Variants in TASP1 observed in about 807,000 individuals in gnomAD.
TASP1 encodes the protein threonine aspartase 1.
A neutral mutation model predicts 56.6 loss-of-function variants in TASP1; 16 were observed. The observed-to-expected ratio is 0.28, with a 90% CI of 0.19 to 0.43. TASP1 has a LOEUF of 0.43. Among genes scored for constraint, TASP1 ranks in the 20% least tolerant of loss-of-function variants. The pLI is 1.00. For synonymous variants in TASP1, 179 were observed against 184.2 expected (o/e 0.97, Z 0.23); for missense variants, 393 against 511.6 (o/e 0.77, Z 2.24).
chr20:13,596,201 C>A (rs1213541794), intron 4 of TASP1, among the ~76,000 whole-genome samples: 2 of 151,910 alleles, frequency 1.3e-5, no homozygotes, highest in Non-Finnish European at 2.9e-5. Flanking sequence ...GGAGAAACCC[C>A]ATCTCTACTA....
At chr20:13,107,418 T>C in the TASP1 span, among the ~76,000 whole-genome samples, 1 of 152,190 alleles carries the variant, frequency 6.6e-6, no homozygotes, top group South Asian at 2.1e-4. Context: ...GGTGTCCAGA[T>C]GGCAGAGGGA....
chr20:13,576,280 AAGAGAAAGGAAGGGAAG>A, intron 6 of TASP1, among the ~76,000 whole-genome samples: 1 of 149,334 alleles, frequency 6.7e-6, no homozygotes, highest in Middle Eastern at 3.4e-3. Flanking sequence ...AAGGGAAGAG[AAGAGAAAGGAAGGGAAG>A]GAGAGAGAGA....
the TASP1 span, among the ~76,000 whole-genome samples, chr20:13,206,561 T>C: frequency 1.3e-5 from 2 of 152,046 alleles, no homozygotes; most frequent in African/African-American, 4.8e-5. Context: ...CCAGTGCAGG[T>C]TGGTGAGACA....
chr20:13,221,243 CCTCCTCCTCCTCCTCCTCCTTCTCCTT>C, the TASP1 span, among the ~76,000 whole-genome samples: 1 of 144,220 alleles, frequency 6.9e-6, no homozygotes, highest in Admixed American at 6.8e-5. Context: ...TCCTCCTCCT[CCTCCTCCTCCTCCTCCTCCTTCTCCTT>C]CTCCTCCTCC....
the TASP1 span, among the ~76,000 whole-genome samples, chr20:13,346,211 C>A: frequency 6.6e-6 from 1 of 152,132 alleles, no homozygotes; most frequent in Non-Finnish European, 1.5e-5. Flanking sequence ...TACCAGTGTT[C>A]AAAATCCACC....
the TASP1 span, chr20:13,160,020 T>C: frequency 6.2e-7 from 1 of 1,613,700 alleles, no homozygotes; most frequent in Non-Finnish European, 8.5e-7. Context: ...GCAAGGCATA[T>C]GCTAGAGAAA....
chr20:13,362,158 C>T, the TASP1 span, among the ~76,000 whole-genome samples: 1 of 149,864 alleles, frequency 6.7e-6, no homozygotes, highest in Admixed American at 6.7e-5. Flanking sequence ...TCTCTCCGCA[C>T]CACCCCCCAA....
chr20:13,130,392 TG>T, the TASP1 span, among the ~76,000 whole-genome samples: 1 of 151,934 alleles, frequency 6.6e-6, no homozygotes, highest in Admixed American at 6.6e-5. Context: ...TTCAAGGCTT[TG>T]TTTCAGGTTG....
chr20:13,471,463 T>C (rs1197271475), intron 11 of TASP1, among the ~76,000 whole-genome samples: 2 of 152,134 alleles, frequency 1.3e-5, no homozygotes, highest in Non-Finnish European at 2.9e-5. Context: ...TTCCATGTCC[T>C]TCAGAATCTA....
the TASP1 span, among the ~76,000 whole-genome samples, chr20:13,282,034 T>C: frequency 2.0e-5 from 3 of 152,026 alleles, no homozygotes; most frequent in Non-Finnish European, 4.4e-5. Flanking sequence ...AACTCTGGAG[T>C]GGGACCCAGA....
chr20:13,108,880 A>T, the TASP1 span, among the ~76,000 whole-genome samples: 1 of 152,232 alleles, frequency 6.6e-6, no homozygotes, highest in Non-Finnish European at 1.5e-5. Flanking sequence ...ATTGCATAAC[A>T]GTCAAGCCAG....
chr20:13,175,839 G>A, the TASP1 span, among the ~76,000 whole-genome samples: 1 of 152,150 alleles, frequency 6.6e-6, no homozygotes, highest in Non-Finnish European at 1.5e-5. Flanking sequence ...AATGCATGGG[G>A]AACAAATGCA....
intron 12 of TASP1, among the ~76,000 whole-genome samples, chr20:13,419,874 A>G (rs2042378055): frequency 6.6e-6 from 1 of 152,212 alleles, no homozygotes; most frequent in Non-Finnish European, 1.5e-5. Context: ...CACGCAATGA[A>G]GCAAGTTCTC....
At chr20:13,380,705 C>T in the TASP1 span, among the ~76,000 whole-genome samples, 5 of 152,174 alleles carry the variant, frequency 3.3e-5, no homozygotes, top group South Asian at 2.1e-4. Flanking sequence ...TGCTCTGTCC[C>T]AGGGAGATGG....
intron 13 of TASP1, among the ~76,000 whole-genome samples, chr20:13,401,714 C>A (rs976093633): frequency 3.9e-5 from 6 of 152,196 alleles, no homozygotes; most frequent in African/African-American, 1.4e-4. Flanking sequence ...TACTGCTTCC[C>A]AACCAAAAAA....
chr20:13,590,012 A>T (rs987474375), intron 4 of TASP1, among the ~76,000 whole-genome samples: 1 of 152,158 alleles, frequency 6.6e-6, no homozygotes, highest in African/African-American at 2.4e-5. Flanking sequence ...CAGGCAGATC[A>T]CTTGAGGCCA....
chr20:13,280,630 T>C, the TASP1 span, among the ~76,000 whole-genome samples: 1 of 152,230 alleles, frequency 6.6e-6, no homozygotes, highest in Admixed American at 6.5e-5. Flanking sequence ...CTGGATATTC[T>C]GTGTCCAGCT....
chr20:13,557,026 T>A (rs888490107), intron 8 of TASP1, among the ~76,000 whole-genome samples: 1 of 152,224 alleles, frequency 6.6e-6, no homozygotes, highest in African/African-American at 2.4e-5. Flanking sequence ...ACTACCCAGT[T>A]CAGTCCCATT....
intron 11 of TASP1, among the ~76,000 whole-genome samples, chr20:13,447,426 T>C (rs1310078068): frequency 1.3e-5 from 2 of 152,130 alleles, no homozygotes; most frequent in East Asian, 1.9e-4. Flanking sequence ...CAACCCCCAA[T>C]TTTGTTTGGG....
Sources: gnomAD v4.1 joint callset for allele counts (sites outside exome capture counted in the v4.1 genomes callset) on GRCh38, gnomAD v4.1.1 for gene constraint, MANE v1.5 for transcripts, NCBI Gene and HGNC (gene_info 2026-07-23, HGNC 2026-07-21) for gene names.